Variants in BRD3 observed in about 807,000 individuals in gnomAD.
BRD3 encodes bromodomain-containing protein 3.
BRD3 carries 17 observed loss-of-function variants against 66.8 expected under a neutral mutation model. That is an observed-to-expected ratio of 0.25 (90% CI 0.17 to 0.38). BRD3 has a LOEUF of 0.38. BRD3 is among the 10% of genes least tolerant of loss of function. The probability of loss-of-function intolerance (pLI) is 1.00; values close to 1 mark genes in which losing one functional copy is unlikely to be tolerated. For missense variants in BRD3, 713 were observed against 956.1 expected, an observed-to-expected ratio of 0.75 and a Z score of 3.35; for synonymous variants, 421 against 393.2, an observed-to-expected ratio of 1.07 and a Z score of -0.84.
chr9:134,064,311 T>C (rs1008421504), intron 1 of BRD3, among the ~76,000 whole-genome samples: 1 of 151,764 alleles, frequency 6.6e-6, no homozygotes, highest in East Asian at 1.9e-4. Flanking sequence ...GTGGATCACC[T>C]GAGGTCAGGA....
rs199866953 is a variant in BRD3, at chr9:134,032,975, C to T, written c.*615G>A. ...GAGGAGCTCCTGACATCACCACGAG[C>T]GGAGAACGCACATCCCACCCGACCA... On this transcript the variant is annotated 3_prime_UTR_variant, in exon 12 of 12. Transcript: ENST00000303407. 7 of 395,572 alleles carry T rather than the reference C, an allele frequency of 1.8e-5. No individual in the cohort carries two copies. The highest frequency in any genetic ancestry group is 1.4e-4 in the South Asian group (1 of 6,966). 24.5% of individuals were successfully genotyped at this position (395,572 alleles called of 1,614,324 possible). A position where few individuals can be genotyped will look rare whatever the true frequency, so the allele number is the denominator to read the frequency against.
At chr9:134,047,475 C>T (rs1238327987) in intron 6 of BRD3, among the ~76,000 whole-genome samples, 1 of 152,176 alleles carries the variant, frequency 6.6e-6, no homozygotes, top group Non-Finnish European at 1.5e-5. Context: ...CCCACCACCA[C>T]CCCCCATAGG....
At chr9:134,054,975 C>A (rs1174618763) in intron 1 of BRD3, among the ~76,000 whole-genome samples, 1 of 152,208 alleles carries the variant, frequency 6.6e-6, no homozygotes, top group Non-Finnish European at 1.5e-5. Flanking sequence ...TCTGGGGCGC[C>A]CACCTGTGCC....
chr9:134,051,755 G>C, intron 3 of BRD3, 46 bp from the exon 4 acceptor site: 1 of 1,562,086 alleles, frequency 6.4e-7, no homozygotes, highest in Non-Finnish European at 8.6e-7. Context: ...AAGGAGCTGT[G>C]TGCTTGCAAA....
rs907573265 is a variant in BRD3 at position 134,030,654 on chromosome 9, T to C, written c.*2936A>G. The stretch of plus-strand genomic sequence containing the variant: ...GTGCTACTCTGGATGTGACAAATTC[T>C]GTATGTGGGTGTTACTCTTTCCCAA... On this transcript the variant is annotated 3_prime_UTR_variant, in exon 12 of 12. Coordinates refer to ENST00000303407, the MANE Select transcript of BRD3 (RefSeq NM_007371.4). The C allele has an allele frequency of 4.4e-6, 1 of 229,166 alleles. No homozygotes were observed. The highest frequency in any genetic ancestry group is 2.2e-5 in the African/African-American group (1 of 45,058). The allele number at this position is 229,166 out of a possible 1,614,324, so 14.2% of individuals were successfully genotyped here. A position where few individuals can be genotyped will look rare whatever the true frequency, so the allele number is the denominator to read the frequency against.
At chr9:134,059,969 C>T (rs1016330541) in intron 1 of BRD3, among the ~76,000 whole-genome samples, 2 of 152,186 alleles carry the variant, frequency 1.3e-5, no homozygotes, top group African/African-American at 4.8e-5. Flanking sequence ...GCCACTGCTG[C>T]TCTCCCCTGG....
At chr9:134,046,235 C>T (rs1480415654) in intron 6 of BRD3, among the ~76,000 whole-genome samples, 3 of 152,198 alleles carry the variant, frequency 2.0e-5, no homozygotes, top group Non-Finnish European at 2.9e-5. Flanking sequence ...GAGGCAGGAT[C>T]GTCGAGGGAC....
In BRD3 at chr9:134,053,574, G is replaced by C; in HGVS notation, c.-97C>G. 1 of 1,448,224 alleles carries C rather than the reference G, an allele frequency of 6.9e-7. No homozygotes were observed. Among genetic ancestry groups the C allele is most frequent in the Non-Finnish European group, 9.1e-7 (1 of 1,103,874 alleles). The allele number at this position is 1,448,224 out of a possible 1,614,324, so 89.7% of individuals were successfully genotyped here. A position where few individuals can be genotyped will look rare whatever the true frequency, so the allele number is the denominator to read the frequency against. The stretch of plus-strand genomic sequence containing the variant: ...AGAAAGCGCGACGTCCCATTTCCGG[G>C]CCCAACCAGGCGACAGCTGCAGAGG... On this transcript the variant is annotated 5_prime_UTR_variant, in exon 2 of 12. Coordinates refer to ENST00000303407, the MANE Select transcript of BRD3 (RefSeq NM_007371.4).
chr9:134,065,337 T>C (rs963266909), intron 1 of BRD3, among the ~76,000 whole-genome samples: 8 of 151,772 alleles, frequency 5.3e-5, no homozygotes, highest in Non-Finnish European at 1.2e-4. Context: ...AGCAGGAGAA[T>C]TGCTAGAACC....
At chr9:134,048,481 C>T (rs1453338968) in intron 5 of BRD3, 27 bp from the exon 6 acceptor site, 1 of 1,597,002 alleles carries the variant, frequency 6.3e-7, no homozygotes, top group Admixed American at 1.7e-5. Context: ...ACCAGTGAAC[C>T]CCGGAAACCA....
chr9:134,049,000 T>A (rs905328982), intron 5 of BRD3, among the ~76,000 whole-genome samples: 2 of 152,122 alleles, frequency 1.3e-5, no homozygotes, highest in East Asian at 3.9e-4. Context: ...CCAGGAGGCA[T>A]GAAGCAGCCA....
At chr9:134,059,529 AC>A (rs58171412) in intron 1 of BRD3, among the ~76,000 whole-genome samples, 40,353 of 151,818 alleles carry the variant, frequency 0.27, 5,766 homozygotes, top group Middle Eastern at 0.36. Flanking sequence ...TCCCTCCTTC[AC>A]CCCTCGCAGC....
In BRD3 at chr9:134,048,381, G is replaced by A. The variant is rs201027330; in HGVS notation, c.788C>T (p.Ser263Leu). 2.9e-5 allele frequency: 46 copies of A among 1,598,378 alleles called. No homozygotes were observed. The highest frequency in any genetic ancestry group is 3.7e-5 in the Non-Finnish European group (44 of 1,179,862). Residue 263 changes from serine (S) to leucine (L), a missense_variant, in exon 6 of 12, where the codon TCG becomes TTG. By Grantham distance (145) the Ser-to-Leu change is moderately radical. This residue lies in a region of BRD3 where 418 missense variants were observed against 609.3 expected (regional missense o/e 0.69). Coordinates refer to ENST00000303407, the MANE Select transcript of BRD3 (RefSeq NM_007371.4). ...CTTGGGGTCTGACAACGGCGGGGGC[G>A]ACTCACTCCGGCTGGCAGTGATGGC... ...TSAITASRSE[S>L]PPPLSDPKQA...
At position 134,053,461 on chromosome 9, in the gene BRD3, G is replaced by A. The variant is rs781619343; in HGVS notation, c.17C>T (p.Thr6Ile). 8 of 1,601,800 alleles carry A rather than the reference G, an allele frequency of 5.0e-6. No individual in the cohort carries two copies. Among genetic ancestry groups the A allele is most frequent in the South Asian group, 1.1e-5 (1 of 90,684 alleles). Residue 6 changes from threonine to isoleucine, a missense_variant, in exon 2 of 12, where the codon ACA (threonine) becomes ATA (isoleucine). Thr to Ile is a moderately conservative substitution (Grantham distance 89). Around this residue, in one of 5 missense-constraint regions of BRD3, gnomAD observed 48 missense variants for 42.5 expected, o/e 1.13. Coordinates refer to ENST00000303407, the MANE Select transcript of BRD3 (RefSeq NM_007371.4). The stretch of plus-strand genomic sequence containing the variant: ...CGCCGGGATCCCCGCGGGGGCGACT[G>A]TCGTGGCGGTGGACATCCTCCGGCA... MSTAT[T>I]VAPAGIPATP...
At chr9:134,049,527 T>C (rs951804968) in intron 5 of BRD3, among the ~76,000 whole-genome samples, 11 of 152,280 alleles carry the variant, frequency 7.2e-5, no homozygotes, top group Admixed American at 1.3e-4. Flanking sequence ...ACAGGGCGGA[T>C]AGGAGCGGGG....
At chr9:134,066,945 C>T (rs956818556) in intron 1 of BRD3, among the ~76,000 whole-genome samples, 11 of 152,228 alleles carry the variant, frequency 7.2e-5, no homozygotes, top group Non-Finnish European at 1.6e-4. Flanking sequence ...CGAGTTCTCG[C>T]CCTCCAGGGA....
At position 134,032,085 on chromosome 9, in the gene BRD3, T is replaced by C. The variant is rs1053917627; in HGVS notation, c.*1505A>G. The stretch of plus-strand genomic sequence containing the variant: ...ACCCGCAAGCCTGGGAGGCTAACTC[T>C]GGCATTCCTGGCCGGAGCCGCCATG... On this transcript the variant is annotated 3_prime_UTR_variant, in exon 12 of 12. Coordinates refer to ENST00000303407, the MANE Select transcript of BRD3 (RefSeq NM_007371.4). 2.3e-5 allele frequency: 5 copies of C among 218,256 alleles called. No homozygotes were observed. Among genetic ancestry groups the C allele is most frequent in the Middle Eastern group, 1.4e-3 (1 of 692 alleles). The allele number at this position is 218,256 out of a possible 1,614,324, so 13.5% of individuals were successfully genotyped here.
intron 1 of BRD3, among the ~76,000 whole-genome samples, chr9:134,054,864 C>T (rs1468040753): frequency 6.6e-6 from 1 of 151,594 alleles, no homozygotes; most frequent in African/African-American, 2.4e-5. Flanking sequence ...CTGCGTGTAA[C>T]CTCACTTCCT....
intron 3 of BRD3, among the ~76,000 whole-genome samples, chr9:134,051,938 T>C (rs1156307643): frequency 6.9e-6 from 1 of 144,982 alleles, no homozygotes; most frequent in African/African-American, 2.6e-5. Flanking sequence ...TCACCCAGGC[T>C]GGAGTGCAGT....
Sources: gnomAD v4.1 joint callset for allele counts (sites outside exome capture counted in the v4.1 genomes callset) on GRCh38, gnomAD v4.1.1 for gene constraint, gnomAD v4.1.1 regional missense constraint, MANE v1.5 for transcripts, NCBI Gene and HGNC (gene_info 2026-07-23, HGNC 2026-07-21) for gene names.